DCAF8L2: variants seen among roughly 807,000 people sequenced by gnomAD.
The protein encoded by DCAF8L2 is DDB1 and CUL4 associated factor 8 like 2.
For synonymous variants in DCAF8L2, 200 were observed against 190.9 expected, an observed-to-expected ratio of 1.05 and a Z score of -0.39; for missense variants, 430 against 490.7, an observed-to-expected ratio of 0.88 and a Z score of 1.17.
At chrX:27,486,613 A>G in the DCAF8L2 span, among the ~76,000 whole-genome samples, 1 of 111,681 alleles carries the variant, frequency 9.0e-6, no homozygotes, top group African/African-American at 3.3e-5. Context: ...TTTTGAACAT[A>G]GCCATTGTCC....
intron 3 of DCAF8L2, among the ~76,000 whole-genome samples, chrX:27,678,812 C>T (rs1214207839): frequency 9.0e-6 from 1 of 111,578 alleles, no homozygotes; most frequent in African/African-American, 3.3e-5. Context: ...CTATATGCTT[C>T]AAAGTGGTTA....
At chrX:27,651,418 A>G (rs1217278297) in intron 2 of DCAF8L2, among the ~76,000 whole-genome samples, 1 of 111,007 alleles carries the variant, frequency 9.0e-6, no homozygotes, top group Non-Finnish European at 1.9e-5. Flanking sequence ...CCTTCATTAA[A>G]ACCCTAATTC....
intron 2 of DCAF8L2, chrX:27,676,895 T>C (rs1930157604): frequency 9.0e-6 from 1 of 111,575 alleles, no homozygotes; most frequent in Non-Finnish European, 1.9e-5. Context: ...CAGACTTTTC[T>C]TTGCTAATCT....
intron 2 of DCAF8L2, chrX:27,633,583 C>G (rs377048931): frequency 9.0e-6 from 1 of 111,338 alleles, no homozygotes; most frequent in East Asian, 2.8e-4. Context: ...GTACCCTTTC[C>G]AAATTGCCGA....
chrX:27,536,018 A>G, the DCAF8L2 span, among the ~76,000 whole-genome samples: 1 of 111,969 alleles, frequency 8.9e-6, no homozygotes, highest in East Asian at 2.8e-4. Context: ...CTGATCTCCA[A>G]TATCATCATA....
chrX:27,726,993 T>C lies in DCAF8L2; in HGVS notation c.-59+10822T>C, dbSNP rs924584673. 8.0e-5 allele frequency among the ~76,000 whole-genome samples: 9 copies of C among 111,905 alleles called. No homozygotes were observed. In the Admixed American group the frequency reaches 8.6e-4, roughly 11 times the overall value. On this transcript the variant is annotated intron_variant, in intron 4 of 4. Transcript: ENST00000451261. ...AAGTTTAATAGATACTGCCAAGCAA[T>C]ATTCCAAAATAGTTCTTTTCACCAC... is the stretch of plus-strand genomic sequence containing the variant.
chrX:27,664,882 C>G (rs998434734), intron 2 of DCAF8L2, among the ~76,000 whole-genome samples: 8 of 111,212 alleles, frequency 7.2e-5, no homozygotes, highest in African/African-American at 2.0e-4. Context: ...TTTAAGCCCA[C>G]CATTGAGACT....
chrX:27,599,705 T>G (rs1386897926), intron 1 of DCAF8L2, among the ~76,000 whole-genome samples: 1 of 111,187 alleles, frequency 9.0e-6, no homozygotes, highest in Non-Finnish European at 1.9e-5. Context: ...TACTTGAATT[T>G]GCCCCCGCCC....
the DCAF8L2 span, among the ~76,000 whole-genome samples, chrX:27,512,753 C>T: frequency 1.0e-3 from 66 of 66,009 alleles, no homozygotes; most frequent in Non-Finnish European, 1.6e-3. Flanking sequence ...ATGCAAAAGA[C>T]CTCAGACAGC....
chrX:27,747,533 C>A lies in DCAF8L2; in HGVS notation c.638C>A (p.Ala213Asp). 8.5e-7 allele frequency: 1 copy of A among 1,181,219 alleles called. No individual in the cohort carries two copies. Among genetic ancestry groups the A allele is most frequent in the Admixed American group, 2.4e-5 (1 of 40,936 alleles). ...RFVYEACGAR[A>D]FVQRFRLQYR... is the part of the protein sequence containing the mutation. ...GTATATGAGGCCTGTGGGGCAAGAG[C>A]CTTTGTGCAGCGTTTCCGCCTGCAA... The change falls in exon 5 of 5, where the codon GCC (alanine) becomes GAC (aspartate). Residue 213 changes from alanine (A) to aspartate (D), a missense_variant. Ala to Asp is a moderately radical substitution (Grantham distance 126). Coordinates refer to ENST00000451261, the MANE Select transcript of DCAF8L2 (RefSeq NM_001353450.2).
chrX:27,613,130 C>A (rs1466661093), intron 1 of DCAF8L2, among the ~76,000 whole-genome samples: 3 of 111,191 alleles, frequency 2.7e-5, no homozygotes, highest in Non-Finnish European at 5.7e-5. Flanking sequence ...TTTCATTGAG[C>A]AGTGGTTTGT....
chrX:27,524,461 T>C, the DCAF8L2 span, among the ~76,000 whole-genome samples: 1 of 111,528 alleles, frequency 9.0e-6, no homozygotes, highest in East Asian at 2.8e-4. Context: ...TCAATTTTGT[T>C]GATCTTTTCA....
At chrX:27,647,029 T>C (rs747219978) in intron 2 of DCAF8L2, among the ~76,000 whole-genome samples, 1 of 112,025 alleles carries the variant, frequency 8.9e-6, no homozygotes, top group East Asian at 2.8e-4. Flanking sequence ...GAACCAGAAG[T>C]ACCATTTTAC....
the DCAF8L2 span, among the ~76,000 whole-genome samples, chrX:27,492,772 C>T: frequency 8.9e-5 from 10 of 112,246 alleles, no homozygotes; most frequent in African/African-American, 1.6e-4. Context: ...TGAGCCACCA[C>T]GCCCGGTTCC....
At chrX:27,517,979 A>G in the DCAF8L2 span, 1 of 1,179,492 alleles carries the variant, frequency 8.5e-7, no homozygotes, top group Non-Finnish European at 1.2e-6. Context: ...GTAGACAGCA[A>G]AGGTTATCCT....
the DCAF8L2 span, among the ~76,000 whole-genome samples, chrX:27,559,320 C>A: frequency 1.8e-5 from 2 of 111,536 alleles, no homozygotes; most frequent in African/African-American, 3.3e-5. Context: ...TGTATAAACC[C>A]TTGAACAAGG....
At chrX:27,598,849 G>GA (rs1211023157) in intron 1 of DCAF8L2, among the ~76,000 whole-genome samples, 2 of 108,216 alleles carry the variant, frequency 1.8e-5, no homozygotes, top group African/African-American at 6.7e-5. Flanking sequence ...ATGATTATCA[G>GA]AAAAATGAAA....
chrX:27,664,650 G>T (rs1306085646), intron 2 of DCAF8L2, among the ~76,000 whole-genome samples: 1 of 112,123 alleles, frequency 8.9e-6, no homozygotes, highest in Non-Finnish European at 1.9e-5. Flanking sequence ...TAGCCAGAGA[G>T]AATAAGTCAA....
intron 1 of DCAF8L2, among the ~76,000 whole-genome samples, chrX:27,608,377 C>T (rs1314352623): frequency 9.0e-6 from 1 of 111,048 alleles, no homozygotes; most frequent in Non-Finnish European, 1.9e-5. Context: ...ACTTTGATGT[C>T]GTATTGTAAT....
Sources: allele counts gnomAD v4.1 joint callset (sites outside exome capture counted in the v4.1 genomes callset), GRCh38; gene constraint gnomAD v4.1.1; transcripts MANE v1.5; gene names NCBI Gene and HGNC (gene_info 2026-07-23, HGNC 2026-07-21).